The following PAIP2 variants were observed in gnomAD, a reference collection of about 807,000 sequenced individuals.
PAIP2 encodes polyadenylate-binding protein-interacting protein 2.
PAIP2 carries 7 observed loss-of-function variants against 14.8 expected under a neutral mutation model. That is an observed-to-expected ratio of 0.47 (90% CI 0.27 to 0.89). PAIP2 has a LOEUF of 0.89. Among genes scored for constraint, PAIP2 ranks in the 40% least tolerant of loss-of-function variants. The pLI is 0.13. For synonymous variants in PAIP2, 47 were observed against 45.3 expected (o/e 1.04, Z -0.15); for missense variants, 122 against 154.7 (o/e 0.79, Z 1.12).
At chr5:139,360,788 T>C (rs1581316254) in intron 1 of PAIP2, among the ~76,000 whole-genome samples, 2 of 152,040 alleles carry the variant, frequency 1.3e-5, no homozygotes, top group East Asian at 3.9e-4. Context: ...TTTTTTTTTT[T>C]TTCTTTTTTG....
chr5:139,365,505 A>C (rs1239547069), intron 3 of PAIP2, among the ~76,000 whole-genome samples: 1 of 151,796 alleles, frequency 6.6e-6, no homozygotes, highest in African/African-American at 2.4e-5. Context: ...AAAGAAAAAA[A>C]AAATACAAAA....
rs1396036615 is a variant in PAIP2 at position 139,365,258 on chromosome 5, G to T, written c.318+515G>T. Among the ~76,000 whole-genome samples, 5 of 151,872 alleles carry T rather than the reference G, an allele frequency of 3.3e-5. No individual in the cohort carries two copies. In the East Asian group the frequency reaches 9.7e-4, roughly 29 times the overall value. On this transcript the variant is annotated intron_variant, in intron 3 of 3. Transcript: ENST00000265192. ...TCCAGCACTTTGGGAGGCCGAGGTG[G>T]GTGGATCACCTGAGGTCAGGAGTTC...
In PAIP2 at chr5:139,363,937, C is replaced by G. The variant is rs1382443969; in HGVS notation, c.138+15C>G. On this transcript the variant is annotated intron_variant, in intron 2 of 3. Transcript: ENST00000265192. ...TCAACAGACAAGTTAGTTTTTTGTA[C>G]AAACATGTTTTTATAGTCCATTCTG... 1 of 1,610,020 alleles carries G rather than the reference C, an allele frequency of 6.2e-7. No individual in the cohort carries two copies. The highest frequency in any genetic ancestry group is 2.2e-5 in the East Asian group (1 of 44,866).
At chr5:139,354,635 A>G (rs1023556291) in intron 1 of PAIP2, among the ~76,000 whole-genome samples, 7 of 151,946 alleles carry the variant, frequency 4.6e-5, no homozygotes, top group Admixed American at 3.3e-4. Flanking sequence ...ATTCCATTGT[A>G]TATATTTTGG....
chr5:139,357,145 A>G (rs1334265850), intron 1 of PAIP2, among the ~76,000 whole-genome samples: 1 of 152,118 alleles, frequency 6.6e-6, no homozygotes, highest in East Asian at 1.9e-4. Context: ...GTCTTGGTAT[A>G]TGGGTCCTAT....
intron 1 of PAIP2, among the ~76,000 whole-genome samples, chr5:139,343,698 G>T (rs940039555): frequency 9.9e-5 from 15 of 151,668 alleles, no homozygotes; most frequent in Non-Finnish European, 1.0e-4. Flanking sequence ...ACGTGAAATG[G>T]GCAGAGCAAG....
Position 139,368,264 on chromosome 5 carries a change from C to T in PAIP2, c.319-469C>T, listed in dbSNP as rs10477811. Among the ~76,000 whole-genome samples, 1,322 of 152,028 alleles carry T rather than the reference C, an allele frequency of 8.7e-3. 17 individuals carry two copies. The highest frequency in any genetic ancestry group is 0.029 in the African/African-American group (1,219 of 41,472). ...GAGAGACAGGAGAATGGTGTGAACC[C>T]GGGAGGCGGAGCTTGCAGTGAGCTG... On this transcript the variant is annotated intron_variant, in intron 3 of 3. Coordinates refer to ENST00000265192, the MANE Select transcript of PAIP2 (RefSeq NM_016480.5).
intron 1 of PAIP2, among the ~76,000 whole-genome samples, chr5:139,358,944 GTGTTAAAACCAC>G (rs1756993859): frequency 6.6e-6 from 1 of 152,182 alleles, no homozygotes; most frequent in South Asian, 2.1e-4. Context: ...TAATGGTGGT[GTGTTAAAACCAC>G]TGAATCAAAC....
rs1757523212 is a variant in PAIP2, at chr5:139,369,551, A to G, written c.*753A>G. On this transcript the variant is annotated 3_prime_UTR_variant, in exon 4 of 4. Coordinates refer to ENST00000265192, the MANE Select transcript of PAIP2 (RefSeq NM_016480.5). ...TTTGTTAACCATCACGAGAGTCTGCAGCACAACTTTTAACAAAGCTAGAAC... is the reference window on the plus strand; with the variant it reads ...TTTGTTAACCATCACGAGAGTCTGCGGCACAACTTTTAACAAAGCTAGAAC... The G allele has an allele frequency of 6.5e-6, 1 of 152,680 alleles. No homozygotes were observed. The highest frequency in any genetic ancestry group is 2.4e-5 in the African/African-American group (1 of 41,474). 9.5% of individuals were successfully genotyped at this position (152,680 alleles called of 1,614,324 possible). A position where few individuals can be genotyped will look rare whatever the true frequency, so the allele number is the denominator to read the frequency against.
chr5:139,348,145 CAAAAA>C (rs56677878), intron 1 of PAIP2, among the ~76,000 whole-genome samples: 3 of 69,660 alleles, frequency 4.3e-5, no homozygotes, highest in South Asian at 6.0e-4. Context: ...GACTCCATGT[CAAAAA>C]AAAAAAAAAA....
chr5:139,367,530 T>C (rs899685755), intron 3 of PAIP2: 1 of 152,034 alleles, frequency 6.6e-6, no homozygotes, highest in African/African-American at 2.4e-5. Flanking sequence ...AGGTGACTTA[T>C]CTGAGTTTAC....
intron 1 of PAIP2, among the ~76,000 whole-genome samples, chr5:139,353,568 A>G (rs950816184): frequency 5.9e-5 from 9 of 152,186 alleles, no homozygotes; most frequent in African/African-American, 2.2e-4. Flanking sequence ...CCAAAAGACT[A>G]TATAGCTTCC....
At chr5:139,348,679 T>G (rs1012031431) in intron 1 of PAIP2, among the ~76,000 whole-genome samples, 1 of 117,904 alleles carries the variant, frequency 8.5e-6, no homozygotes, top group African/African-American at 3.4e-5. Context: ...TCTTTGTATC[T>G]TTTTTTTTTT....
chr5:139,357,056 C>G (rs931802787), intron 1 of PAIP2, among the ~76,000 whole-genome samples: 1 of 152,142 alleles, frequency 6.6e-6, no homozygotes, highest in South Asian at 2.1e-4. Flanking sequence ...ATTGAAATCT[C>G]TCTTCCATTA....
chr5:139,359,957 T>G (rs1212629829), intron 1 of PAIP2, among the ~76,000 whole-genome samples: 1 of 151,262 alleles, frequency 6.6e-6, no homozygotes, highest in Non-Finnish European at 1.5e-5. Context: ...CAAAAAAAAA[T>G]GGGTAATTTT....
intron 2 of PAIP2, 123 bp downstream of exon 2, chr5:139,364,045 C>T (rs1292484385): frequency 1.3e-6 from 1 of 795,290 alleles, no homozygotes; most frequent in African/African-American, 1.7e-5. Context: ...TGTGCCACCA[C>T]TCCTGTTTAT....
intron 1 of PAIP2, among the ~76,000 whole-genome samples, chr5:139,344,760 G>A (rs1190296603): frequency 6.6e-6 from 1 of 152,114 alleles, no homozygotes; most frequent in East Asian, 1.9e-4. Context: ...CTACAGTTGA[G>A]ATTAGGGTAG....
At chr5:139,351,127 A>G (rs573674984) in intron 1 of PAIP2, among the ~76,000 whole-genome samples, 1 of 152,298 alleles carries the variant, frequency 6.6e-6, no homozygotes, top group Admixed American at 6.5e-5. Context: ...TACAATACAT[A>G]TATAATATCT....
At chr5:139,351,166 T>G (rs1014153599) in intron 1 of PAIP2, among the ~76,000 whole-genome samples, 1 of 152,188 alleles carries the variant, frequency 6.6e-6, no homozygotes, top group African/African-American at 2.4e-5. Context: ...GCAAAATGGA[T>G]GCACCCAAAC....
Sources: allele counts gnomAD v4.1 joint callset (sites outside exome capture counted in the v4.1 genomes callset), GRCh38; gene constraint gnomAD v4.1.1; transcripts MANE v1.5; gene names NCBI Gene and HGNC (gene_info 2026-07-23, HGNC 2026-07-21).